ATP10B: variants seen among roughly 807,000 people sequenced by gnomAD.
ATP10B encodes the protein ATPase phospholipid transporting 10B (putative), also known as phospholipid-transporting ATPase VB.
A neutral mutation model predicts 141.2 loss-of-function variants in ATP10B; 122 were observed. The observed-to-expected ratio is 0.86, with a 90% CI of 0.75 to 1.00. The LOEUF (loss-of-function observed/expected upper bound fraction) is 1.00. Among genes scored for constraint, ATP10B ranks in the 50% least tolerant of loss-of-function variants. ATP10B has a pLI of 0.00. For missense variants in ATP10B, 1,876 were observed against 1,825.3 expected (o/e 1.03, Z -0.51); for synonymous variants, 685 against 692.0 (o/e 0.99, Z 0.16).
chr5:160,923,197 T>A, the ATP10B span, among the ~76,000 whole-genome samples: 1 of 152,076 alleles, frequency 6.6e-6, no homozygotes, highest in Non-Finnish European at 1.5e-5. Context: ...TGAAAACATG[T>A]CCTCAGTATT....
At position 160,598,122 on chromosome 5, in the gene ATP10B, G is replaced by T. The variant is rs1455751835; in HGVS notation, c.3564+648C>A. ...TTGCGGCACTACTCACAATAGCAAA[G>T]ACTTGGAACCAACCCAAATGTCCAA... On this transcript the variant is annotated intron_variant, in intron 22 of 25. Transcript: ENST00000327245. 2.7e-5 allele frequency among the ~76,000 whole-genome samples: 4 copies of T among 149,776 alleles called. No individual in the cohort carries two copies. The Admixed American group carries it at 2.7e-4, about 10-fold the overall frequency.
At chr5:160,701,394 A>T (rs1561769136) in intron 3 of ATP10B, among the ~76,000 whole-genome samples, 1 of 152,130 alleles carries the variant, frequency 6.6e-6, no homozygotes, top group Non-Finnish European at 1.5e-5. Context: ...ACACACCATC[A>T]TTACCAGCAT....
rs186598964 is a variant in ATP10B at position 160,675,750 on chromosome 5, T to C, written c.471-5083A>G. 2.6e-5 allele frequency among the ~76,000 whole-genome samples: 4 copies of C among 151,938 alleles called. No individual in the cohort carries two copies. The East Asian group carries it at 7.8e-4, about 29-fold the overall frequency. ...AGGGATTGAGAGAGGCTTTGAATCC[T>C]GGCTTCTCTGCTTACAACTTGTGTG... is the stretch of plus-strand genomic sequence containing the variant. On this transcript the variant is annotated intron_variant, in intron 6 of 25. Transcript: ENST00000327245.
In ATP10B at chr5:160,564,327, TTA is replaced by T. The variant is rs1287376281; in HGVS notation, c.*1124_*1125del. 6.6e-6 allele frequency: 1 copy of T among 152,224 alleles called. No homozygotes were observed. Among genetic ancestry groups the T allele is most frequent in the Non-Finnish European group, 1.5e-5 (1 of 68,046 alleles). 9.4% of individuals were successfully genotyped at this position (152,224 alleles called of 1,614,324 possible). ...CCTTTAACACTGTTTTGAGCTTTTTTTATATAGTTGACATTTATAAACTCTAG... is the reference window on the plus strand; with the variant it reads ...CCTTTAACACTGTTTTGAGCTTTTTTTATAGTTGACATTTATAAACTCTAG... On this transcript the variant is annotated 3_prime_UTR_variant, in exon 26 of 26. Coordinates refer to ENST00000327245, the MANE Select transcript of ATP10B (RefSeq NM_025153.3).
chr5:160,684,935 C>A, intron 6 of ATP10B: 1 of 703,400 alleles, frequency 1.4e-6, no homozygotes, highest in Non-Finnish European at 2.6e-6. Context: ...GCCAGGATAA[C>A]ACAGATTGGT....
At chr5:160,685,074 G>A (rs762447869) in intron 6 of ATP10B, 4 of 703,502 alleles carry the variant, frequency 5.7e-6, no homozygotes, top group South Asian at 3.0e-5. Context: ...AGGACAACAC[G>A]GTGTACTTGC....
chr5:160,672,523 C>T (rs1347539450), intron 6 of ATP10B, among the ~76,000 whole-genome samples: 1 of 152,160 alleles, frequency 6.6e-6, no homozygotes, highest in East Asian at 1.9e-4. Flanking sequence ...GGTGTGGGCT[C>T]ATCTGTCTGC....
At chr5:160,868,433 A>C in the ATP10B span, among the ~76,000 whole-genome samples, 2 of 151,822 alleles carry the variant, frequency 1.3e-5, no homozygotes, top group Admixed American at 1.3e-4. Flanking sequence ...TGCTGAAGCC[A>C]CTGTTATGAA....
chr5:160,811,854 C>G (rs756391655), intron 1 of ATP10B, among the ~76,000 whole-genome samples: 1 of 152,130 alleles, frequency 6.6e-6, no homozygotes, highest in East Asian at 1.9e-4. Context: ...CGCACATAGG[C>G]AGTAGCCAGG....
intron 7 of ATP10B, among the ~76,000 whole-genome samples, chr5:160,666,053 GATCTTA>G (rs1199849285): frequency 1.3e-5 from 2 of 152,222 alleles, no homozygotes; most frequent in African/African-American, 4.8e-5. Context: ...CTCCCATGGT[GATCTTA>G]GGCTTAAAAT....
Position 160,792,888 on chromosome 5 carries a change from C to T in ATP10B, c.-575-7085G>A, listed in dbSNP as rs145276798. Among the ~76,000 whole-genome samples the T allele has an allele frequency of 7.9e-5, 12 of 152,230 alleles. No individual in the cohort carries two copies. The East Asian group carries it at 2.3e-3, about 29-fold the overall frequency. On this transcript the variant is annotated intron_variant, in intron 1 of 25. Transcript: ENST00000327245. ...TGACGTTAACCCTAAAATGACATGA[C>T]CTAAAACACTCAACTGAACACACAC...
intron 24 of ATP10B, among the ~76,000 whole-genome samples, chr5:160,583,342 G>A (rs1246342866): frequency 6.6e-6 from 1 of 152,134 alleles, no homozygotes; most frequent in Non-Finnish European, 1.5e-5. Context: ...AGGCCTGTCT[G>A]CTGGAGTTTG....
At chr5:160,865,203 A>G in the ATP10B span, among the ~76,000 whole-genome samples, 3 of 152,234 alleles carry the variant, frequency 2.0e-5, no homozygotes, top group East Asian at 5.8e-4. Flanking sequence ...CCAAAACAAC[A>G]TGGTGCTGGT....
At chr5:160,766,985 G>A (rs1769493082) in intron 2 of ATP10B, among the ~76,000 whole-genome samples, 1 of 152,032 alleles carries the variant, frequency 6.6e-6, no homozygotes, top group Non-Finnish European at 1.5e-5. Context: ...TGGTGGAGAA[G>A]TTCCAGGCTC....
chr5:160,631,349 T>C (rs1758928516), intron 13 of ATP10B, among the ~76,000 whole-genome samples: 1 of 152,202 alleles, frequency 6.6e-6, no homozygotes, highest in Non-Finnish European at 1.5e-5. Context: ...GTGTGATCTC[T>C]GGGGAGAAAC....
intron 1 of ATP10B, among the ~76,000 whole-genome samples, chr5:160,793,203 ATTTTT>A (rs33964416): frequency 8.2e-5 from 12 of 146,750 alleles, no homozygotes; most frequent in Admixed American, 1.4e-4. Context: ...TCAAAGTTCC[ATTTTT>A]TTTTTTTTTG....
chr5:160,702,698 G>A (rs1425105264), intron 3 of ATP10B, among the ~76,000 whole-genome samples: 1 of 152,130 alleles, frequency 6.6e-6, no homozygotes, highest in Non-Finnish European at 1.5e-5. Context: ...TGAGATTGGT[G>A]AATTACTGGG....
chr5:160,825,133 GT>G (rs1774482355), intron 1 of ATP10B, among the ~76,000 whole-genome samples: 1 of 152,134 alleles, frequency 6.6e-6, no homozygotes, highest in Non-Finnish European at 1.5e-5. Flanking sequence ...GCTGTGAGCT[GT>G]TTGAGGTCAG....
At chr5:160,580,280 G>T (rs1027438771) in intron 24 of ATP10B, among the ~76,000 whole-genome samples, 2 of 152,150 alleles carry the variant, frequency 1.3e-5, no homozygotes, top group Non-Finnish European at 2.9e-5. Context: ...TGCCCATTCA[G>T]TATGATATTG....
Sources: allele counts gnomAD v4.1 joint callset (sites outside exome capture counted in the v4.1 genomes callset), GRCh38; gene constraint gnomAD v4.1.1; transcripts MANE v1.5; gene names NCBI Gene and HGNC (gene_info 2026-07-23, HGNC 2026-07-21).